The following PDZRN4 variants were observed in gnomAD, a reference collection of about 807,000 sequenced individuals.
PDZRN4 encodes the protein PDZ domain containing ring finger 4.
A neutral mutation model predicts 99.0 loss-of-function variants in PDZRN4; 70 were observed. That is an observed-to-expected ratio of 0.71 (90% CI 0.58 to 0.86). The LOEUF (loss-of-function observed/expected upper bound fraction) is 0.86, where lower values mean the gene tolerates loss of function less well. Ranked by LOEUF, PDZRN4 falls within the 40% of genes least tolerant of loss-of-function variation. The pLI, the probability that PDZRN4 is intolerant of heterozygous loss-of-function variation, is 0.00. For synonymous variants in PDZRN4, 551 were observed against 501.6 expected (o/e 1.10, Z -1.32); for missense variants, 1,474 against 1,331.2 (o/e 1.11, Z -1.67).
chr12:41,270,926 A>C (rs1407597016), intron 3 of PDZRN4, among the ~76,000 whole-genome samples: 3 of 152,140 alleles, frequency 2.0e-5, no homozygotes, highest in Admixed American at 6.6e-5. Context: ...TTTAAAAATA[A>C]TACAGTATAG....
Position 41,572,382 on chromosome 12 carries a change from G to C in PDZRN4, c.1603G>C (p.Glu535Gln). ...TTCTTAGCCAAAAAAGCAAGAAGAA[G>C]AAGAAGGCACAACAGACACTGCAAC... Reference protein sequence around the residue: ...EVEQPKKQEEEEGTTDTATSS... With the variant: ...EVEQPKKQEEQEGTTDTATSS... The change falls in exon 10 of 10, where the codon GAA (glutamate) becomes CAA (glutamine). Residue 535 changes from glutamate to glutamine, a missense_variant. Coordinates refer to ENST00000402685, the MANE Select transcript of PDZRN4 (RefSeq NM_001164595.2). 6.2e-7 allele frequency: 1 copy of C among 1,602,196 alleles called. No homozygotes were observed. Among genetic ancestry groups the C allele is most frequent in the South Asian group, 1.1e-5 (1 of 89,778 alleles).
intron 3 of PDZRN4, among the ~76,000 whole-genome samples, chr12:41,398,496 C>T (rs1952266560): frequency 6.6e-6 from 1 of 152,010 alleles, no homozygotes; most frequent in South Asian, 2.1e-4. Flanking sequence ...AATATTAGAA[C>T]ACTCCCCAAC....
intron 3 of PDZRN4, among the ~76,000 whole-genome samples, chr12:41,305,687 T>C (rs1951565051): frequency 6.6e-6 from 1 of 152,142 alleles, no homozygotes; most frequent in African/African-American, 2.4e-5. Context: ...TACCATCACA[T>C]TGAAGATTAG....
intron 3 of PDZRN4, among the ~76,000 whole-genome samples, chr12:41,295,055 A>G (rs970568865): frequency 2.0e-5 from 3 of 152,188 alleles, no homozygotes; most frequent in African/African-American, 7.2e-5. Context: ...CAGCAGAGAC[A>G]ATGGAGCAAT....
intron 3 of PDZRN4, chr12:41,460,172 C>A: frequency 1.1e-6 from 1 of 933,764 alleles, no homozygotes; most frequent in Non-Finnish European, 1.4e-6. Flanking sequence ...ATTGGTTGCA[C>A]GTTTAACAAG....
chr12:41,456,299 T>G (rs1276437458), intron 3 of PDZRN4, among the ~76,000 whole-genome samples: 1 of 152,192 alleles, frequency 6.6e-6, no homozygotes, highest in Non-Finnish European at 1.5e-5. Flanking sequence ...GTTACTTGAA[T>G]GTACTTCTCC....
rs1450020505 is a variant in PDZRN4, at chr12:41,434,178, CTCTTTT to C, written c.844-72276_844-72271del. ...TCCTCTTCGTCTTCTCTCTCTCTTTCTCTTTTTATCTCTGAAACTGGAATATGCACC... is the reference window on the plus strand; with the variant it reads ...TCCTCTTCGTCTTCTCTCTCTCTTTCTATCTCTGAAACTGGAATATGCACC... On this transcript the variant is annotated intron_variant, in intron 3 of 9. Transcript: ENST00000402685. 9.2e-5 allele frequency among the ~76,000 whole-genome samples: 14 copies of C among 152,268 alleles called. No individual in the cohort carries two copies. The South Asian group carries it at 1.9e-3, about 20-fold the overall frequency.
intron 3 of PDZRN4, among the ~76,000 whole-genome samples, chr12:41,325,521 A>T (rs1951703793): frequency 6.6e-6 from 1 of 152,162 alleles, no homozygotes; most frequent in African/African-American, 2.4e-5. Flanking sequence ...GGAGGATACC[A>T]AGTGTTGGAA....
chr12:41,287,193 G>A (rs369802047), intron 3 of PDZRN4, among the ~76,000 whole-genome samples: 19 of 152,290 alleles, frequency 1.2e-4, no homozygotes, highest in Middle Eastern at 3.4e-3. Flanking sequence ...GAAAGACTAA[G>A]TTAGAAACAG....
intron 3 of PDZRN4, among the ~76,000 whole-genome samples, chr12:41,498,926 G>T (rs1938060510): frequency 6.6e-6 from 1 of 152,040 alleles, no homozygotes; most frequent in Non-Finnish European, 1.5e-5. Context: ...CCACATTTTT[G>T]TTAAAGTCAG....
At chr12:41,515,681 G>C (rs916809588) in intron 5 of PDZRN4, among the ~76,000 whole-genome samples, 1 of 151,978 alleles carries the variant, frequency 6.6e-6, no homozygotes, top group African/African-American at 2.4e-5. Context: ...AGTATTTCCA[G>C]ATGCTCTGTG....
chr12:41,443,151 T>C (rs1952695210), intron 3 of PDZRN4, among the ~76,000 whole-genome samples: 1 of 152,066 alleles, frequency 6.6e-6, no homozygotes, highest in Non-Finnish European at 1.5e-5. Context: ...TTTTGAGAAA[T>C]GCACAGTCTG....
chr12:41,539,166 AG>A lies in PDZRN4; in HGVS notation c.1204-13489del, dbSNP rs1592102874. ...GGAGCTCCTCTAATTCTCCTCCTCC[AG>A]AATGGACATATCTCCTCAAAATGAC... On this transcript the variant is annotated intron_variant, in intron 5 of 9. Coordinates refer to ENST00000402685, the MANE Select transcript of PDZRN4 (RefSeq NM_001164595.2). Among the ~76,000 whole-genome samples the A allele has an allele frequency of 4.6e-5, 7 of 152,024 alleles. No individual in the cohort carries two copies. The East Asian group carries it at 1.4e-3, about 29-fold the overall frequency.
intron 3 of PDZRN4, chr12:41,437,925 C>G: frequency 6.2e-7 from 1 of 1,613,874 alleles, no homozygotes; most frequent in South Asian, 1.1e-5. Context: ...AAGATTTGCT[C>G]TCTCTCTCTG....
At chr12:41,215,360 T>G (rs1043301908) in intron 3 of PDZRN4, among the ~76,000 whole-genome samples, 32 of 151,994 alleles carry the variant, frequency 2.1e-4, no homozygotes, top group African/African-American at 2.4e-5. Flanking sequence ...AAACGCAGAT[T>G]CCAGAGTTCA....
Position 41,438,162 on chromosome 12 carries a change from T to G in PDZRN4, c.844-68294T>G, listed in dbSNP as rs1952647298. Reference sequence around the variant, plus strand: ...GCTGGTTTGGGGCTTTTAATTTTGGTTTTGGGTGGCAGTTTTCAGCTTCCT... The same window carrying G: ...GCTGGTTTGGGGCTTTTAATTTTGGGTTTGGGTGGCAGTTTTCAGCTTCCT... On this transcript the variant is annotated intron_variant, in intron 3 of 9. Transcript: ENST00000402685. 5.9e-6 allele frequency: 5 copies of G among 846,438 alleles called. No homozygotes were observed. The South Asian group carries it at 8.8e-5, about 15-fold the overall frequency. 52.4% of individuals were successfully genotyped at this position (846,438 alleles called of 1,614,324 possible). A position where few individuals can be genotyped will look rare whatever the true frequency, so the allele number is the denominator to read the frequency against.
intron 5 of PDZRN4, among the ~76,000 whole-genome samples, chr12:41,514,705 C>A (rs1938369938): frequency 6.6e-6 from 1 of 152,062 alleles, no homozygotes; most frequent in African/African-American, 2.4e-5. Context: ...CCACTCAGTC[C>A]CTTTCCTCTT....
At chr12:41,488,205 A>G (rs976918033) in intron 3 of PDZRN4, among the ~76,000 whole-genome samples, 1 of 152,194 alleles carries the variant, frequency 6.6e-6, no homozygotes, top group African/African-American at 2.4e-5. Context: ...GACCCAAGTC[A>G]GTGAAGTGTA....
At chr12:41,476,245 G>A (rs1953041979) in intron 3 of PDZRN4, among the ~76,000 whole-genome samples, 1 of 152,184 alleles carries the variant, frequency 6.6e-6, no homozygotes, top group Non-Finnish European at 1.5e-5. Context: ...GACTTTACAT[G>A]TGTAATAATA....
Sources: gnomAD v4.1 joint callset for allele counts (sites outside exome capture counted in the v4.1 genomes callset) on GRCh38, gnomAD v4.1.1 for gene constraint, MANE v1.5 for transcripts, NCBI Gene and HGNC (gene_info 2026-07-23, HGNC 2026-07-21) for gene names.